ZIC2: variants seen among roughly 807,000 people sequenced by gnomAD.
ZIC2 encodes Zic family zinc finger 2.
ZIC2 carries 7 observed loss-of-function variants against 29.5 expected under a neutral mutation model. That is an observed-to-expected ratio of 0.24 (90% CI 0.14 to 0.45). The LOEUF is 0.45. Among genes scored for constraint, ZIC2 ranks in the 20% least tolerant of loss-of-function variants. ZIC2 has a pLI of 1.00. For synonymous variants in ZIC2, 408 were observed against 354.2 expected (o/e 1.15, Z -1.70); for missense variants, 589 against 781.2 (o/e 0.75, Z 2.93).
rs754776754 is a variant in ZIC2 at position 99,986,065 on chromosome 13, G to T, written c.*383G>T. The T allele has an allele frequency of 2.2e-6, 1 of 455,690 alleles. No homozygotes were observed. The highest frequency in any genetic ancestry group is 1.6e-5 in the South Asian group (1 of 64,378). 28.2% of individuals were successfully genotyped at this position (455,690 alleles called of 1,614,324 possible). ...GACTCCTCCTTTCTCCTCCGAGGTG[G>T]TTTTAAAGGCTTTTTGGTGTATAGA... On this transcript the variant is annotated 3_prime_UTR_variant, in exon 3 of 3. Coordinates refer to ENST00000376335, the MANE Select transcript of ZIC2 (RefSeq NM_007129.5).
chr13:99,982,295 C>G lies in ZIC2; in HGVS notation c.231C>G (p.Phe77Leu), dbSNP rs2053238290. The change falls in exon 1 of 3, where the codon TTC (phenylalanine) becomes TTG (leucine). Residue 77 changes from phenylalanine (F) to leucine (L), a missense_variant. Phe to Leu is a conservative substitution (Grantham distance 22). Around this residue, in one of 7 missense-constraint regions of ZIC2, gnomAD observed 358 missense variants for 382.0 expected, o/e 0.94. Coordinates refer to ENST00000376335, the MANE Select transcript of ZIC2 (RefSeq NM_007129.5). ...TGTCCCCGGGCCAGAGCTCGGCGTT[C>G]ACGTCGCAGGGCCCCGGCGCCTACC... is the stretch of plus-strand genomic sequence containing the variant. Reference protein sequence around the residue: ...HELSPGQSSAFTSQGPGAYPG... With the variant: ...HELSPGQSSALTSQGPGAYPG... 6 of 1,488,238 alleles carry G rather than the reference C, an allele frequency of 4.0e-6. No homozygotes were observed. The highest frequency in any genetic ancestry group is 4.5e-5 in the Admixed American group (2 of 44,020). 92.2% of individuals were successfully genotyped at this position (1,488,238 alleles called of 1,614,324 possible).
Position 99,985,301 on chromosome 13 carries a change from C to A in ZIC2, c.1240-22C>A, listed in dbSNP as rs762420178. ...TCACACCCAGTCCCCTCTGGTCCCCCCTCCCGGCTTTTGTCTTGCAGGTCC... is the reference window on the plus strand; with the variant it reads ...TCACACCCAGTCCCCTCTGGTCCCCACTCCCGGCTTTTGTCTTGCAGGTCC... On this transcript the variant is annotated intron_variant, in intron 2 of 2. Transcript: ENST00000376335. This position sits in a 1 kb window ranked among gnomAD's most constrained non-coding sequence, Gnocchi z 6.3. 8.8e-6 allele frequency: 14 copies of A among 1,599,062 alleles called. No homozygotes were observed. The Middle Eastern group carries it at 5.0e-4, about 57-fold the overall frequency.
At position 99,982,373 on chromosome 13, in the gene ZIC2, G is replaced by T; in HGVS notation, c.309G>T (p.Ala103=). The T allele has an allele frequency of 6.8e-7, 1 of 1,477,746 alleles. No individual in the cohort carries two copies. Among genetic ancestry groups the T allele is most frequent in the Non-Finnish European group, 9.0e-7 (1 of 1,116,182 alleles). 91.5% of individuals were successfully genotyped at this position (1,477,746 alleles called of 1,614,324 possible). The stretch of plus-strand genomic sequence containing the variant: ...CCGCAGCGCTCGGGCCCCACGCCGC[G>T]CACGTTGGCTCCTACTCTGGGCCGC... ...AAAAALGPHA[A]HVGSYSGPPF... is the part of the protein sequence containing the mutation. The change falls in exon 1 of 3, where the codon GCG becomes GCT. Residue 103 remains alanine (A), a synonymous_variant. Transcript: ENST00000376335.
At position 99,985,605 on chromosome 13, in the gene ZIC2, G is replaced by A. The variant is rs2053263539; in HGVS notation, c.1522G>A (p.Gly508Ser). The A allele has an allele frequency of 3.7e-6, 4 of 1,079,946 alleles. No individual in the cohort carries two copies. Among genetic ancestry groups the A allele is most frequent in the African/African-American group, 1.7e-5 (1 of 58,628 alleles). 66.9% of individuals were successfully genotyped at this position (1,079,946 alleles called of 1,614,324 possible). Residue 508 changes from glycine (G) to serine (S), a missense_variant, in exon 3 of 3, where the codon GGC becomes AGC. Coordinates refer to ENST00000376335, the MANE Select transcript of ZIC2 (RefSeq NM_007129.5). The surrounding 1 kb of genome is among the most constrained non-coding windows in gnomAD (Gnocchi z 6.3). Reference sequence around the variant, plus strand: ...CGGCGGGGCGGGCGGCGGGGGCGGCGGCAGCTCTGGCGGGGGCAGCGGGAC... The same window carrying A: ...CGGCGGGGCGGGCGGCGGGGGCGGCAGCAGCTCTGGCGGGGGCAGCGGGAC... Reference protein sequence around the residue: ...GGGGAGGGGGGSSGGGSGTAG... With the variant: ...GGGGAGGGGGSSSGGGSGTAG...
Position 99,986,175 on chromosome 13 carries a change from T to G in ZIC2, c.*493T>G. 1 of 352,544 alleles carries G rather than the reference T, an allele frequency of 2.8e-6. No homozygotes were observed. Among genetic ancestry groups the G allele is most frequent in the South Asian group, 2.3e-5 (1 of 43,972 alleles). The allele number at this position is 352,544 out of a possible 1,614,324, so 21.8% of individuals were successfully genotyped here. A position where few individuals can be genotyped will look rare whatever the true frequency, so the allele number is the denominator to read the frequency against. The stretch of plus-strand genomic sequence containing the variant: ...CCCTAAAGTGATGGGCTTTCTCTTT[T>G]CTCTTTTTAGTTTACCCGGTTTCTT... On this transcript the variant is annotated 3_prime_UTR_variant, in exon 3 of 3. Coordinates refer to ENST00000376335, the MANE Select transcript of ZIC2 (RefSeq NM_007129.5).
rs1190496897 is a variant in ZIC2 at position 99,983,982 on chromosome 13, C to T, written c.1075+843C>T. 6.6e-6 allele frequency among the ~76,000 whole-genome samples: 1 copy of T among 152,248 alleles called. No individual in the cohort carries two copies. Among genetic ancestry groups the T allele is most frequent in the Non-Finnish European group, 1.5e-5 (1 of 68,044 alleles). ...TAGCAACTTCCCCCGTCAATATTTA[C>T]TCCGAAGTGGGGATGCGCCAGCGGC... is the stretch of plus-strand genomic sequence containing the variant. On this transcript the variant is annotated intron_variant, in intron 1 of 2. Coordinates refer to ENST00000376335, the MANE Select transcript of ZIC2 (RefSeq NM_007129.5). The surrounding 1 kb of genome is among the most constrained non-coding windows in gnomAD (Gnocchi z 4.7).
At chr13:99,984,896 T>A (rs963237180) in intron 1 of ZIC2, 50 bp from the exon 2 acceptor site, 3 of 1,613,002 alleles carry the variant, frequency 1.9e-6, no homozygotes, top group Non-Finnish European at 8.5e-7. Context: ...GAGTGGGGGC[T>A]CTGCAGGCTC....
In ZIC2 at chr13:99,982,370, C is replaced by G. The variant is rs2152162377; in HGVS notation, c.306C>G (p.Ala102=). The change falls in exon 1 of 3, where the codon GCC becomes GCG. Residue 102 remains alanine, a synonymous_variant. Transcript: ENST00000376335. ...AAAAAALGPH[A]AHVGSYSGPP... is the part of the protein sequence containing the mutation. ...CGGCCGCAGCGCTCGGGCCCCACGC[C>G]GCGCACGTTGGCTCCTACTCTGGGC... 2 of 1,477,806 alleles carry G rather than the reference C, an allele frequency of 1.4e-6. No homozygotes were observed. Among genetic ancestry groups the G allele is most frequent in the Admixed American group, 2.6e-5 (1 of 39,154 alleles). 91.5% of individuals were successfully genotyped at this position (1,477,806 alleles called of 1,614,324 possible).
chr13:99,983,848 AAG>A lies in ZIC2; in HGVS notation c.1075+716_1075+717del, dbSNP rs1023234884. ...CGGCCCCGCGGGGGGATCGCGTGAGAAGAGAGAGCCGCAAAAGAACGCGCCTC... is the reference window on the plus strand; with the variant it reads ...CGGCCCCGCGGGGGGATCGCGTGAGAAGAGAGCCGCAAAAGAACGCGCCTC... On this transcript the variant is annotated intron_variant, in intron 1 of 2. Coordinates refer to ENST00000376335, the MANE Select transcript of ZIC2 (RefSeq NM_007129.5). The surrounding 1 kb of genome is among the most constrained non-coding windows in gnomAD (Gnocchi z 4.7). Among the ~76,000 whole-genome samples, 3 of 152,192 alleles carry A rather than the reference AAG, an allele frequency of 2.0e-5. No individual in the cohort carries two copies. The highest frequency in any genetic ancestry group is 7.2e-5 in the African/African-American group (3 of 41,442).
In ZIC2 at chr13:99,986,545, T is replaced by C. The variant is rs1349174178; in HGVS notation, c.*863T>C. The stretch of plus-strand genomic sequence containing the variant: ...GTAATAACACCCTTCCTTCTGTAAA[T>C]ACCCGTTACCATATTTATCCATTTG... On this transcript the variant is annotated 3_prime_UTR_variant, in exon 3 of 3. Coordinates refer to ENST00000376335, the MANE Select transcript of ZIC2 (RefSeq NM_007129.5). 1 of 153,476 alleles carries C rather than the reference T, an allele frequency of 6.5e-6. No homozygotes were observed. 9.5% of individuals were successfully genotyped at this position (153,476 alleles called of 1,614,324 possible).
Position 99,985,242 on chromosome 13 carries a change from CT to C in ZIC2, c.1240-80del. ...CGGGGGGAACATTTCTGGGGGTGCT[CT>C]CCCCCAGGGGCCCGGCCCCACAGCA... On this transcript the variant is annotated intron_variant, in intron 2 of 2. Transcript: ENST00000376335. The surrounding 1 kb of genome is among the most constrained non-coding windows in gnomAD (Gnocchi z 6.3). 1.9e-6 allele frequency: 3 copies of C among 1,602,870 alleles called. No individual in the cohort carries two copies. The South Asian group carries it at 3.3e-5, about 18-fold the overall frequency.
rs534770914 is a variant in ZIC2, at chr13:99,982,571, C to T, written c.507C>T (p.His169=). The T allele has an allele frequency of 1.6e-4, 253 of 1,561,950 alleles. 1 individual carries two copies. The East Asian group carries it at 5.9e-3, about 36-fold the overall frequency. ...FPGLPEQHGP[H]GSQNVLNGQM... is the part of the protein sequence containing the mutation. The stretch of plus-strand genomic sequence containing the variant: ...GCCTGCCAGAGCAGCACGGGCCGCA[C>T]GGCTCGCAGAATGTGCTCAACGGGC... Residue 169 remains histidine, a synonymous_variant, in exon 1 of 3, where the codon CAC becomes CAT. Transcript: ENST00000376335.
At position 99,983,150 on chromosome 13, in the gene ZIC2, G is replaced by T. The variant is rs767325421; in HGVS notation, c.1075+11G>T. 6.2e-7 allele frequency: 1 copy of T among 1,612,812 alleles called. No individual in the cohort carries two copies. The highest frequency in any genetic ancestry group is 8.5e-7 in the Non-Finnish European group (1 of 1,179,592). On this transcript the variant is annotated intron_variant, in intron 1 of 2. Coordinates refer to ENST00000376335, the MANE Select transcript of ZIC2 (RefSeq NM_007129.5). The surrounding 1 kb of genome is among the most constrained non-coding windows in gnomAD (Gnocchi z 4.7). ...AAAGGACCCACACAGGTAACCGCGG[G>T]CTGGGACAGGGACCAGGCGCGGAGG...
Position 99,982,166 on chromosome 13 carries a change from G to T in ZIC2, c.102G>T (p.Glu34Asp). ...CGGCGGCGGCGGCGGCTGCCGCCGA[G>T]ATGCAGGACCGTGAACTGAGCCTGG... is the stretch of plus-strand genomic sequence containing the variant. ...SAAAAAAAAAEMQDRELSLAA... is the reference protein window; with the variant it reads ...SAAAAAAAAADMQDRELSLAA... Residue 34 changes from glutamate (E) to aspartate (D), a missense_variant, in exon 1 of 3, where the codon GAG (glutamate) becomes GAT (aspartate). This residue lies in a region of ZIC2 where 358 missense variants were observed against 382.0 expected (regional missense o/e 0.94). Coordinates refer to ENST00000376335, the MANE Select transcript of ZIC2 (RefSeq NM_007129.5). 1 of 1,380,094 alleles carries T rather than the reference G, an allele frequency of 7.2e-7. No homozygotes were observed. The highest frequency in any genetic ancestry group is 9.3e-7 in the Non-Finnish European group (1 of 1,071,050). The allele number at this position is 1,380,094 out of a possible 1,614,324, so 85.5% of individuals were successfully genotyped here.
Position 99,981,863 on chromosome 13 carries a change from A to T in ZIC2, c.-202A>T. On this transcript the variant is annotated 5_prime_UTR_variant, in exon 1 of 3. Coordinates refer to ENST00000376335, the MANE Select transcript of ZIC2 (RefSeq NM_007129.5). The stretch of plus-strand genomic sequence containing the variant: ...TCCTCTTCCTCTCCGCGCCTTCGCT[A>T]CGCGCCCGGCCGCCCGAGGCAGATC... The T allele has an allele frequency of 9.1e-7, 1 of 1,099,642 alleles. No individual in the cohort carries two copies. The highest frequency in any genetic ancestry group is 1.2e-6 in the Non-Finnish European group (1 of 823,600). 68.1% of individuals were successfully genotyped at this position (1,099,642 alleles called of 1,614,324 possible). A position where few individuals can be genotyped will look rare whatever the true frequency, so the allele number is the denominator to read the frequency against.
Position 99,985,191 on chromosome 13 carries a change from G to T in ZIC2, c.1239+82G>T. The T allele has an allele frequency of 2.5e-6, 4 of 1,608,872 alleles. No homozygotes were observed. Among genetic ancestry groups the T allele is most frequent in the Non-Finnish European group, 3.4e-6 (4 of 1,177,246 alleles). On this transcript the variant is annotated intron_variant, in intron 2 of 2. Coordinates refer to ENST00000376335, the MANE Select transcript of ZIC2 (RefSeq NM_007129.5). This position sits in a 1 kb window ranked among gnomAD's most constrained non-coding sequence, Gnocchi z 6.3. ...TGGCCCGGACCACCTCAGCCGGCCT[G>T]GGAGGGTCCCCAGGGGCCAGGGCGG...
In ZIC2 at chr13:99,982,221, G is replaced by C. The variant is rs867965997; in HGVS notation, c.157G>C (p.Ala53Pro). 2.6e-6 allele frequency: 4 copies of C among 1,510,728 alleles called. No individual in the cohort carries two copies. In the African/African-American group the frequency reaches 4.3e-5, roughly 16 times the overall value. The allele number at this position is 1,510,728 out of a possible 1,614,324, so 93.6% of individuals were successfully genotyped here. A position where few individuals can be genotyped will look rare whatever the true frequency, so the allele number is the denominator to read the frequency against. Residue 53 changes from alanine to proline, a missense_variant, in exon 1 of 3, where the codon GCC becomes CCC. Physicochemically the swap from Ala to Pro is conservative, Grantham distance 27. Transcript: ENST00000376335. ...AAAQNGFVDS[A>P]AAHMGAFKLN... Reference sequence around the variant, plus strand: ...GGCGCAGAACGGCTTCGTTGACTCCGCCGCCGCGCACATGGGAGCCTTCAA... The same window carrying C: ...GGCGCAGAACGGCTTCGTTGACTCCCCCGCCGCGCACATGGGAGCCTTCAA...
chr13:99,982,546 G>A lies in ZIC2; in HGVS notation c.482G>A (p.Gly161Asp). ...SDAQGHLLFP[G>D]LPEQHGPHGS... ...GCGCAGGGCCACCTCCTCTTCCCGG[G>A]CCTGCCAGAGCAGCACGGGCCGCAC... The change falls in exon 1 of 3, where the codon GGC (glycine) becomes GAC (aspartate). Residue 161 changes from glycine (G) to aspartate (D), a missense_variant. Physicochemically the swap from Gly to Asp is moderately conservative, Grantham distance 94. This residue lies in a region of ZIC2 where 358 missense variants were observed against 382.0 expected (regional missense o/e 0.94). Transcript: ENST00000376335. 1.3e-6 allele frequency: 2 copies of A among 1,545,354 alleles called. No individual in the cohort carries two copies. The highest frequency in any genetic ancestry group is 1.7e-6 in the Non-Finnish European group (2 of 1,148,908).
At position 99,985,460 on chromosome 13, in the gene ZIC2, A is replaced by AGCG. The variant is rs762700653; in HGVS notation, c.1389_1391dup (p.Ala470dup). 137 of 1,375,350 alleles carry AGCG rather than the reference A, an allele frequency of 1.0e-4. No individual in the cohort carries two copies. Among genetic ancestry groups the AGCG allele is most frequent in the Non-Finnish European group, 1.1e-4 (123 of 1,072,360 alleles). The allele number at this position is 1,375,350 out of a possible 1,614,324, so 85.2% of individuals were successfully genotyped here. ...CCAACCTGTCCCCAGCGGCGGCGGC[A>AGCG]GCGGCGGCGGCGGCTGCGGCGGCGG... is the stretch of plus-strand genomic sequence containing the variant. On this transcript the variant is annotated inframe_insertion, in exon 3 of 3. Transcript: ENST00000376335. The surrounding 1 kb of genome is among the most constrained non-coding windows in gnomAD (Gnocchi z 6.3).
Sources: allele counts gnomAD v4.1 joint callset (sites outside exome capture counted in the v4.1 genomes callset), GRCh38; gene constraint gnomAD v4.1.1; regional missense constraint gnomAD v4.1.1; non-coding constraint Gnocchi (gnomAD v3.1); transcripts MANE v1.5; gene names NCBI Gene and HGNC (gene_info 2026-07-23, HGNC 2026-07-21).